The following SLC35D4 variants were observed in gnomAD, a reference collection of about 807,000 sequenced individuals.
The protein encoded by SLC35D4 is solute carrier family 35 member D4, also known as UDP-N-acetylglucosamine transporter SLC35D4.
At chr18:23,329,750 T>C in the SLC35D4 span, among the ~76,000 whole-genome samples, 2 of 152,168 alleles carry the variant, frequency 1.3e-5, no homozygotes, top group African/African-American at 4.8e-5. Flanking sequence ...TAAAGACACA[T>C]GCACATGTAT....
the SLC35D4 span, among the ~76,000 whole-genome samples, chr18:23,357,545 C>T: frequency 2.6e-5 from 4 of 152,326 alleles, no homozygotes; most frequent in African/African-American, 9.6e-5. Flanking sequence ...GACCCCTGGG[C>T]CTTGGCCTGT....
chr18:23,332,243 T>C, the SLC35D4 span, among the ~76,000 whole-genome samples: 1 of 152,110 alleles, frequency 6.6e-6, no homozygotes, highest in South Asian at 2.1e-4. Context: ...TGAGATATAA[T>C]GCACACACCA....
At chr18:23,291,875 T>G in the SLC35D4 span, among the ~76,000 whole-genome samples, 1 of 151,744 alleles carries the variant, frequency 6.6e-6, no homozygotes, top group African/African-American at 2.4e-5. Flanking sequence ...CACCACTGCT[T>G]CTCTCCGGGC....
At chr18:23,362,892 C>G in the SLC35D4 span, among the ~76,000 whole-genome samples, 5 of 152,188 alleles carry the variant, frequency 3.3e-5, no homozygotes, top group Admixed American at 2.0e-4. Flanking sequence ...ATAAGTTTAA[C>G]AAATGAACAA....
At chr18:23,280,414 C>T in the SLC35D4 span, among the ~76,000 whole-genome samples, 1 of 152,256 alleles carries the variant, frequency 6.6e-6, no homozygotes, top group Non-Finnish European at 1.5e-5. Context: ...TTCCCTTCCT[C>T]ATGTCCTGTG....
the SLC35D4 span, among the ~76,000 whole-genome samples, chr18:23,290,098 G>A: frequency 6.6e-5 from 10 of 152,318 alleles, no homozygotes; most frequent in East Asian, 3.9e-4. Flanking sequence ...GTGAGATGCC[G>A]CGTGGGTGAA....
chr18:23,375,422 T>A, the SLC35D4 span, among the ~76,000 whole-genome samples: 1 of 152,194 alleles, frequency 6.6e-6, no homozygotes, highest in Non-Finnish European at 1.5e-5. Context: ...TGTATGTTTA[T>A]GCATGTGTAT....
At chr18:23,333,447 A>G in the SLC35D4 span, among the ~76,000 whole-genome samples, 2 of 152,364 alleles carry the variant, frequency 1.3e-5, no homozygotes, top group South Asian at 4.1e-4. Flanking sequence ...AGCATACTCT[A>G]AAGAAAGACG....
the SLC35D4 span, among the ~76,000 whole-genome samples, chr18:23,339,903 T>C: frequency 6.6e-6 from 1 of 152,190 alleles, no homozygotes; most frequent in South Asian, 2.1e-4. Flanking sequence ...TACCATCACC[T>C]TGGGGCTTAG....
the SLC35D4 span, among the ~76,000 whole-genome samples, chr18:23,295,174 A>T: frequency 6.6e-6 from 1 of 150,546 alleles, no homozygotes; most frequent in Non-Finnish European, 1.5e-5. Flanking sequence ...TAAGTTGAAC[A>T]CGGACACAGA....
At chr18:23,312,043 C>T in the SLC35D4 span, among the ~76,000 whole-genome samples, 2 of 152,220 alleles carry the variant, frequency 1.3e-5, no homozygotes, top group Non-Finnish European at 2.9e-5. Flanking sequence ...CCCAACTTGT[C>T]ATTTCTATGT....
the SLC35D4 span, among the ~76,000 whole-genome samples, chr18:23,255,382 G>A: frequency 1.3e-5 from 2 of 152,230 alleles, no homozygotes; most frequent in East Asian, 3.9e-4. Context: ...AGGGCACTAA[G>A]GTAGGTACTC....
chr18:23,419,029 A>G, the SLC35D4 span, among the ~76,000 whole-genome samples: 5 of 151,998 alleles, frequency 3.3e-5, no homozygotes, highest in African/African-American at 1.2e-4. Context: ...AAAAGAAAAA[A>G]AAAATTAAGC....
chr18:23,290,371 G>C, the SLC35D4 span, among the ~76,000 whole-genome samples: 2 of 152,360 alleles, frequency 1.3e-5, no homozygotes, highest in Non-Finnish European at 2.9e-5. Context: ...GTGTCTGCCT[G>C]TGGGGCTCCT....
the SLC35D4 span, among the ~76,000 whole-genome samples, chr18:23,316,991 G>A: frequency 2.6e-5 from 4 of 152,130 alleles, no homozygotes. Context: ...CTTGCTCAAA[G>A]CATACAGTTT....
the SLC35D4 span, among the ~76,000 whole-genome samples, chr18:23,382,239 C>CAAAA: frequency 1.7e-4 from 13 of 75,184 alleles, no homozygotes; most frequent in South Asian, 5.5e-4. Context: ...GACTCAGTCT[C>CAAAA]AAAAAAAAAA....
the SLC35D4 span, among the ~76,000 whole-genome samples, chr18:23,391,778 T>C: frequency 6.6e-6 from 1 of 152,276 alleles, no homozygotes; most frequent in East Asian, 1.9e-4. Flanking sequence ...TGGGCCACCA[T>C]GTCTAGACTT....
At chr18:23,412,166 G>T in the SLC35D4 span, among the ~76,000 whole-genome samples, 1 of 152,020 alleles carries the variant, frequency 6.6e-6, no homozygotes, top group Non-Finnish European at 1.5e-5. Flanking sequence ...CTAAAAATAC[G>T]AAATTAGCCA....
At chr18:23,340,880 T>A in the SLC35D4 span, among the ~76,000 whole-genome samples, 2 of 152,300 alleles carry the variant, frequency 1.3e-5, no homozygotes, top group South Asian at 4.1e-4. Flanking sequence ...CTCCGCTGCT[T>A]CTTCCCAGTG....
Sources: gnomAD v4.1 joint callset for allele counts (sites outside exome capture counted in the v4.1 genomes callset) on GRCh38, gnomAD v4.1.1 for gene constraint, MANE v1.5 for transcripts, NCBI Gene and HGNC (gene_info 2026-07-23, HGNC 2026-07-21) for gene names.